The following APBB2 variants were observed in gnomAD, a reference collection of about 807,000 sequenced individuals.
APBB2 encodes amyloid beta precursor protein binding family B member 2.
APBB2 carries 38 observed loss-of-function variants against 82.5 expected under a neutral mutation model. That is an observed-to-expected ratio of 0.46 (90% CI 0.36 to 0.60). The LOEUF (loss-of-function observed/expected upper bound fraction) is 0.60, where lower values mean the gene tolerates loss of function less well. APBB2 is among the 20% of genes least tolerant of loss of function. The pLI is 0.00. For missense variants in APBB2, 772 were observed against 972.3 expected (o/e 0.79, Z 2.74); for synonymous variants, 341 against 368.2 (o/e 0.93, Z 0.85).
intron 1 of APBB2, among the ~76,000 whole-genome samples, chr4:41,158,433 C>T (rs927054578): frequency 5.3e-5 from 8 of 152,314 alleles, no homozygotes; most frequent in Admixed American, 2.0e-4. Context: ...TTGTTGAAAG[C>T]AGTAGCTCTA....
chr4:40,904,929 A>G (rs1444832753), intron 10 of APBB2, among the ~76,000 whole-genome samples: 2 of 151,998 alleles, frequency 1.3e-5, no homozygotes, highest in Non-Finnish European at 2.9e-5. Context: ...TTTCCCCCAG[A>G]CTGTCTACAA....
At chr4:40,978,228 T>G (rs1318776551) in intron 6 of APBB2, among the ~76,000 whole-genome samples, 1 of 152,232 alleles carries the variant, frequency 6.6e-6, no homozygotes, top group Non-Finnish European at 1.5e-5. Context: ...CACATATTCT[T>G]CTAGTCACAC....
At chr4:40,954,647 G>C (rs929684076) in intron 6 of APBB2, among the ~76,000 whole-genome samples, 1 of 152,096 alleles carries the variant, frequency 6.6e-6, no homozygotes, top group African/African-American at 2.4e-5. Context: ...CACTGGCCTA[G>C]GAAAAGAAAA....
intron 12 of APBB2, among the ~76,000 whole-genome samples, chr4:40,839,894 A>T (rs574631127): frequency 2.0e-5 from 3 of 152,176 alleles, no homozygotes; most frequent in African/African-American, 7.2e-5. Flanking sequence ...CGAATTCCTG[A>T]CCTCAGGTGA....
In APBB2 at chr4:40,827,227, G is replaced by A. The variant is rs1007836288; in HGVS notation, c.1645-8C>T. The A allele has an allele frequency of 1.2e-6, 2 of 1,613,712 alleles. No homozygotes were observed. The highest frequency in any genetic ancestry group is 2.7e-5 in the African/African-American group (2 of 74,904). The stretch of plus-strand genomic sequence containing the variant: ...CTTCCGTTCAGCCATAATCTAAGGG[G>A]GAAAAAGTGCAGCTTTGGAGCGTGG... On this transcript the variant is annotated splice_region_variant and splice_polypyrimidine_tract_variant and intron_variant, in intron 13 of 17. Coordinates refer to ENST00000508593, the MANE Select transcript of APBB2 (RefSeq NM_004307.2).
At chr4:40,819,580 A>G (rs946220076) in intron 17 of APBB2, among the ~76,000 whole-genome samples, 1 of 152,096 alleles carries the variant, frequency 6.6e-6, no homozygotes, top group Admixed American at 6.6e-5. Flanking sequence ...GTTCAAGACC[A>G]ACCTGGGGAA....
chr4:41,115,429 A>G (rs1210916271), intron 2 of APBB2, among the ~76,000 whole-genome samples: 1 of 152,252 alleles, frequency 6.6e-6, no homozygotes, highest in Non-Finnish European at 1.5e-5. Flanking sequence ...CTTCATGACT[A>G]AAACACCAAA....
chr4:40,964,896 A>G lies in APBB2; in HGVS notation c.836-19823T>C, dbSNP rs375050307. On this transcript the variant is annotated intron_variant, in intron 6 of 17. Coordinates refer to ENST00000508593, the MANE Select transcript of APBB2 (RefSeq NM_004307.2). ...AGCACTTTGGGAGGCCAAGGCGGGC[A>G]GATCACGAGGTCAGGAGATCGAGAC... is the stretch of plus-strand genomic sequence containing the variant. Among the ~76,000 whole-genome samples, 591 of 148,310 alleles carry G rather than the reference A, an allele frequency of 4.0e-3. 2 individuals carry two copies. The highest frequency in any genetic ancestry group is 0.018 in the Middle Eastern group (5 of 284).
intron 6 of APBB2, among the ~76,000 whole-genome samples, chr4:40,984,300 G>C (rs993695052): frequency 6.6e-6 from 1 of 152,188 alleles, no homozygotes; most frequent in Non-Finnish European, 1.5e-5. Context: ...AAAAGTTCAT[G>C]TGACTGAGCC....
intron 3 of APBB2, among the ~76,000 whole-genome samples, chr4:41,085,004 A>G (rs568308650): frequency 7.9e-5 from 12 of 152,302 alleles, no homozygotes; most frequent in Admixed American, 2.6e-4. Context: ...TAATCCCAGC[A>G]CTTTGGGAGG....
intron 10 of APBB2, among the ~76,000 whole-genome samples, chr4:40,923,750 A>G (rs1477942387): frequency 6.6e-6 from 1 of 152,214 alleles, no homozygotes; most frequent in Non-Finnish European, 1.5e-5. Flanking sequence ...AGCTGCCAAG[A>G]GTTAGACAAC....
intron 10 of APBB2, among the ~76,000 whole-genome samples, chr4:40,923,753 T>C (rs1187944481): frequency 6.6e-6 from 1 of 152,226 alleles, no homozygotes; most frequent in African/African-American, 2.4e-5. Context: ...TGCCAAGAGT[T>C]AGACAACAAT....
intron 2 of APBB2, among the ~76,000 whole-genome samples, chr4:41,103,621 A>G (rs1746180835): frequency 1.3e-5 from 2 of 152,192 alleles, no homozygotes; most frequent in East Asian, 3.8e-4. Flanking sequence ...TGTTTATAAG[A>G]AAAAAGACTA....
intron 12 of APBB2, among the ~76,000 whole-genome samples, chr4:40,835,246 A>C (rs1038012244): frequency 6.6e-6 from 1 of 151,092 alleles, no homozygotes; most frequent in African/African-American, 2.4e-5. Flanking sequence ...ACTGCACTCC[A>C]GCCTGGGTGA....
At chr4:41,062,509 C>A (rs1579681381) in intron 4 of APBB2, among the ~76,000 whole-genome samples, 1 of 151,812 alleles carries the variant, frequency 6.6e-6, no homozygotes, top group Non-Finnish European at 1.5e-5. Context: ...CAAAGGAGTA[C>A]GCAGAAGGGA....
intron 1 of APBB2, among the ~76,000 whole-genome samples, chr4:41,167,877 T>C (rs1046200953): frequency 3.5e-4 from 53 of 152,226 alleles, no homozygotes; most frequent in African/African-American, 1.1e-3. Context: ...AGAGCTGCAC[T>C]GAATCCAGCT....
At chr4:41,026,492 G>A (rs1047069299) in intron 5 of APBB2, among the ~76,000 whole-genome samples, 5 of 152,058 alleles carry the variant, frequency 3.3e-5, no homozygotes, top group Non-Finnish European at 5.9e-5. Context: ...TAACAGTCAC[G>A]ACCCATTCGT....
chr4:41,032,778 CTTTT>C (rs11421268), intron 5 of APBB2, among the ~76,000 whole-genome samples: 4,064 of 84,156 alleles, frequency 0.048, 40 homozygotes, highest in Middle Eastern at 0.069. Flanking sequence ...ATTTTTCTTT[CTTTT>C]TTTTTTTTTT....
chr4:41,114,694 C>G (rs1177588106), intron 2 of APBB2, among the ~76,000 whole-genome samples: 1 of 151,980 alleles, frequency 6.6e-6, no homozygotes, highest in Non-Finnish European at 1.5e-5. Flanking sequence ...GAACAGAGAG[C>G]CAAATCATAA....
Sources: allele counts gnomAD v4.1 joint callset (sites outside exome capture counted in the v4.1 genomes callset), GRCh38; gene constraint gnomAD v4.1.1; transcripts MANE v1.5; gene names NCBI Gene and HGNC (gene_info 2026-07-23, HGNC 2026-07-21).